LRRC37A2: variants seen among roughly 807,000 people sequenced by gnomAD.
The protein encoded by LRRC37A2 is leucine-rich repeat-containing protein 37A2.
Under a neutral mutation model 68.8 loss-of-function variants are expected in LRRC37A2, and 9 were observed. The ratio of observed to expected loss-of-function variants is 0.13; its 90% CI spans 0.08 to 0.23. The LOEUF is 0.23. LRRC37A2 is among the 10% of genes least tolerant of loss of function. The pLI is 1.00. For missense variants in LRRC37A2, 168 were observed against 950.4 expected (o/e 0.18, Z 10.82); for synonymous variants, 63 against 367.6 (o/e 0.17, Z 9.48).
At chr17:46,990,952 T>G in the LRRC37A2 span, among the ~76,000 whole-genome samples, 1 of 152,172 alleles carries the variant, frequency 6.6e-6, no homozygotes, top group African/African-American at 2.4e-5. Flanking sequence ...ATTACAGGTG[T>G]GAGCCACCAC....
chr17:46,779,557 C>T, the LRRC37A2 span, among the ~76,000 whole-genome samples: 1,685 of 152,302 alleles, frequency 0.011, 44 homozygotes, highest in African/African-American at 0.035. Flanking sequence ...TGCGGGTGCC[C>T]TGCACAACAG....
At chr17:46,841,951 C>T in the LRRC37A2 span, among the ~76,000 whole-genome samples, 2 of 152,228 alleles carry the variant, frequency 1.3e-5, no homozygotes, top group African/African-American at 2.4e-5. Context: ...GAGCGTCCTC[C>T]AGCGTCCGCG....
At chr17:46,979,020 C>A in the LRRC37A2 span, 6 of 1,393,038 alleles carry the variant, frequency 4.3e-6, no homozygotes, top group African/African-American at 9.2e-5. Flanking sequence ...CCGCGCGGCG[C>A]CGGGGGTCTC....
chr17:46,977,850 A>T, the LRRC37A2 span, among the ~76,000 whole-genome samples: 44 of 152,346 alleles, frequency 2.9e-4, no homozygotes, highest in African/African-American at 9.6e-4. Flanking sequence ...TTCGTTTTGG[A>T]CACAGCTGAC....
the LRRC37A2 span, chr17:47,017,939 C>T: frequency 6.2e-7 from 1 of 1,608,014 alleles, no homozygotes; most frequent in South Asian, 1.1e-5. Context: ...TTCCACAGCT[C>T]CTTGAGGAAG....
chr17:46,891,668 C>T, the LRRC37A2 span, among the ~76,000 whole-genome samples: 1 of 152,156 alleles, frequency 6.6e-6, no homozygotes, highest in South Asian at 2.1e-4. Context: ...GAAATGCTTC[C>T]CGTTCCACAT....
the LRRC37A2 span, among the ~76,000 whole-genome samples, chr17:46,592,944 T>TG: frequency 5.0e-5 from 7 of 140,200 alleles, 2 homozygotes; most frequent in Admixed American, 4.9e-4. Flanking sequence ...TCTCTTTTGC[T>TG]GTACCCATGT....
At chr17:46,759,935 A>G in the LRRC37A2 span, among the ~76,000 whole-genome samples, 31 of 152,330 alleles carry the variant, frequency 2.0e-4, no homozygotes, top group African/African-American at 7.5e-4. Flanking sequence ...GAGAAACTAC[A>G]TGTTCAAGCA....
At chr17:46,857,549 C>T in the LRRC37A2 span, among the ~76,000 whole-genome samples, 1 of 148,638 alleles carries the variant, frequency 6.7e-6, no homozygotes, top group Non-Finnish European at 1.5e-5. Flanking sequence ...CTGGTATAAA[C>T]ATCCATGTAC....
chr17:46,720,957 A>T, the LRRC37A2 span, among the ~76,000 whole-genome samples: 1 of 151,904 alleles, frequency 6.6e-6, no homozygotes. Context: ...ACTTGTGTAG[A>T]CTCTGGAGCC....
chr17:46,897,628 CT>C, the LRRC37A2 span, among the ~76,000 whole-genome samples: 36 of 151,948 alleles, frequency 2.4e-4, no homozygotes, highest in Non-Finnish European at 4.3e-4. Flanking sequence ...CTGGGTGTAC[CT>C]TTTTTTATTT....
At chr17:47,013,171 AAGT>A in the LRRC37A2 span, among the ~76,000 whole-genome samples, 9 of 152,246 alleles carry the variant, frequency 5.9e-5, no homozygotes, top group African/African-American at 2.2e-4. Flanking sequence ...TAGAGACAGA[AAGT>A]AGACTAGTGG....
chr17:46,788,104 A>G, the LRRC37A2 span, among the ~76,000 whole-genome samples: 1 of 152,176 alleles, frequency 6.6e-6, no homozygotes, highest in Non-Finnish European at 1.5e-5. Context: ...GGAGAAGGCA[A>G]AGAAGTCCCC....
At chr17:46,558,455 C>T (rs879480468), downstream of LRRC37A2, among the ~76,000 whole-genome samples, 2 of 117,602 alleles carry the variant, frequency 1.7e-5, no homozygotes, top group South Asian at 2.6e-4. Flanking sequence ...AGCGTGATCT[C>T]GGTTGACTGC....
At chr17:46,838,942 A>T in the LRRC37A2 span, among the ~76,000 whole-genome samples, 1 of 151,930 alleles carries the variant, frequency 6.6e-6, no homozygotes, top group African/African-American at 2.4e-5. Context: ...AAGTGGAGTG[A>T]TCTTGGCTCA....
the LRRC37A2 span, among the ~76,000 whole-genome samples, chr17:47,008,346 C>T: frequency 2.1e-3 from 313 of 152,102 alleles, 3 homozygotes; most frequent in African/African-American, 6.8e-3. Context: ...CTCCTAACCT[C>T]GTGATCCGCC....
At chr17:46,961,538 T>TA in the LRRC37A2 span, among the ~76,000 whole-genome samples, 1 of 151,914 alleles carries the variant, frequency 6.6e-6, no homozygotes, top group Non-Finnish European at 1.5e-5. Context: ...CTGCCTCTGT[T>TA]AAAAAAAGAA....
the LRRC37A2 span, chr17:46,937,731 C>T: frequency 6.6e-6 from 1 of 152,216 alleles, no homozygotes; most frequent in Non-Finnish European, 1.5e-5. Context: ...TTCCAAGGTT[C>T]ATTCATATTG....
the LRRC37A2 span, among the ~76,000 whole-genome samples, chr17:46,748,619 A>G: frequency 6.6e-6 from 1 of 152,210 alleles, no homozygotes. Context: ...CAGAAGAGAG[A>G]GGAAAGCTCC....
Sources: allele counts gnomAD v4.1 joint callset (sites outside exome capture counted in the v4.1 genomes callset), GRCh38; gene constraint gnomAD v4.1.1; transcripts MANE v1.5; gene names NCBI Gene and HGNC (gene_info 2026-07-23, HGNC 2026-07-21).